Variants in MLLT10 observed in about 807,000 individuals in gnomAD.
MLLT10 encodes MLLT10 histone lysine methyltransferase DOT1L cofactor.
Under a neutral mutation model 129.1 loss-of-function variants are expected in MLLT10, and 30 were observed. That is an observed-to-expected ratio of 0.23 (90% CI 0.17 to 0.32). The LOEUF (loss-of-function observed/expected upper bound fraction) is 0.32. Ranked by LOEUF, MLLT10 falls within the 10% of genes least tolerant of loss-of-function variation. MLLT10 has a pLI of 1.00. For missense variants in MLLT10, 1,119 were observed against 1,268.3 expected, an observed-to-expected ratio of 0.88 and a Z score of 1.79; for synonymous variants, 490 against 446.4, an observed-to-expected ratio of 1.10 and a Z score of -1.23.
rs11012735 is a variant in MLLT10 at position 21,559,382 on chromosome 10, T to C, written c.240+20470T>C. Among the ~76,000 whole-genome samples, 74 of 152,344 alleles carry C rather than the reference T, an allele frequency of 4.9e-4. No individual in the cohort carries two copies. In the East Asian group the frequency reaches 8.3e-3, roughly 17 times the overall value. On this transcript the variant is annotated intron_variant, in intron 3 of 22. Transcript: ENST00000307729. Reference sequence around the variant, plus strand: ...CATGAGCCACTGCGCTTGGCAAGAATGGACATCTTTATATATAGTTTTGAA... The same window carrying C: ...CATGAGCCACTGCGCTTGGCAAGAACGGACATCTTTATATATAGTTTTGAA...
chr10:21,668,855 G>A (rs1005395416), intron 9 of MLLT10: 9 of 1,109,022 alleles, frequency 8.1e-6, no homozygotes, highest in East Asian at 5.0e-5. Context: ...TGATACATGA[G>A]CAAAAATACA....
intron 9 of MLLT10, among the ~76,000 whole-genome samples, chr10:21,657,531 G>T (rs537476053): frequency 1.8e-4 from 27 of 151,568 alleles, no homozygotes; most frequent in African/African-American, 6.5e-4. Context: ...TTGACAAATT[G>T]AACCTCACAG....
chr10:21,724,102 C>G (rs1227923282), intron 14 of MLLT10, among the ~76,000 whole-genome samples: 1 of 152,100 alleles, frequency 6.6e-6, no homozygotes, highest in African/African-American at 2.4e-5. Context: ...TACCTTTTCC[C>G]GAGGGACAGT....
chr10:21,575,109 A>AT (rs1411956489), intron 3 of MLLT10, among the ~76,000 whole-genome samples: 1 of 151,648 alleles, frequency 6.6e-6, no homozygotes, highest in Non-Finnish European at 1.5e-5. Context: ...CATTTTTACT[A>AT]TTTCTTTTTT....
chr10:21,605,409 A>G (rs1383967846), intron 5 of MLLT10, among the ~76,000 whole-genome samples: 1 of 152,130 alleles, frequency 6.6e-6, no homozygotes, highest in East Asian at 1.9e-4. Flanking sequence ...ACTTTCTAGT[A>G]TGCCATTTTC....
chr10:21,634,241 A>T (rs2047256818), intron 8 of MLLT10, among the ~76,000 whole-genome samples: 1 of 152,126 alleles, frequency 6.6e-6, no homozygotes, highest in South Asian at 2.1e-4. Flanking sequence ...AAAAAATAAA[A>T]CAGTTACCAG....
intron 3 of MLLT10, among the ~76,000 whole-genome samples, chr10:21,546,062 A>C (rs918631684): frequency 1.3e-5 from 2 of 152,200 alleles, no homozygotes; most frequent in African/African-American, 4.8e-5. Context: ...GAGATACAGA[A>C]GAATTTTTAA....
chr10:21,580,173 C>T (rs531756217), intron 3 of MLLT10, among the ~76,000 whole-genome samples: 2 of 151,804 alleles, frequency 1.3e-5, no homozygotes, highest in South Asian at 4.2e-4. Flanking sequence ...CTGGTGCTGC[C>T]ACGCTCGGCT....
intron 9 of MLLT10, among the ~76,000 whole-genome samples, chr10:21,667,072 TAGAA>T (rs1589528831): frequency 6.6e-6 from 1 of 152,206 alleles, no homozygotes; most frequent in Non-Finnish European, 1.5e-5. Context: ...GTATTTGTTT[TAGAA>T]AGATATTTTA....
intron 14 of MLLT10, among the ~76,000 whole-genome samples, chr10:21,723,088 T>A (rs2057245637): frequency 6.6e-6 from 1 of 152,216 alleles, no homozygotes; most frequent in African/African-American, 2.4e-5. Flanking sequence ...ATACTTTCAT[T>A]TATTGTATCA....
intron 21 of MLLT10, chr10:21,738,310 G>GT (rs2058547520): frequency 2.1e-6 from 2 of 934,478 alleles, no homozygotes; most frequent in Non-Finnish European, 2.9e-6. Context: ...ATGGGATCTT[G>GT]TTTTTTCTTA....
intron 13 of MLLT10, among the ~76,000 whole-genome samples, chr10:21,702,553 A>G (rs1564677234): frequency 6.6e-6 from 1 of 152,014 alleles, no homozygotes; most frequent in Non-Finnish European, 1.5e-5. Context: ...ATTGTATTGG[A>G]GTTTATCCCT....
chr10:21,537,904 A>G (rs1375513375), intron 2 of MLLT10, among the ~76,000 whole-genome samples: 1 of 152,254 alleles, frequency 6.6e-6, no homozygotes, highest in Non-Finnish European at 1.5e-5. Flanking sequence ...GCTAATTATT[A>G]ACTTTAAAAA....
At chr10:21,550,063 C>T (rs1412820678) in intron 3 of MLLT10, among the ~76,000 whole-genome samples, 1 of 152,096 alleles carries the variant, frequency 6.6e-6, no homozygotes, top group African/African-American at 2.4e-5. Flanking sequence ...CATTGATAAA[C>T]TGGTTAAAGT....
At chr10:21,646,663 G>T (rs757640529) in intron 8 of MLLT10, among the ~76,000 whole-genome samples, 1 of 151,920 alleles carries the variant, frequency 6.6e-6, no homozygotes, top group Admixed American at 6.6e-5. Context: ...ATTTTGTATT[G>T]CTAATTATAC....
chr10:21,567,316 G>C (rs527484248), intron 3 of MLLT10, among the ~76,000 whole-genome samples: 4 of 152,276 alleles, frequency 2.6e-5, no homozygotes, highest in Admixed American at 2.0e-4. Flanking sequence ...GTTGACATTT[G>C]AGGCAAACTT....
intron 3 of MLLT10, among the ~76,000 whole-genome samples, chr10:21,581,212 A>T (rs1446651706): frequency 2.0e-5 from 3 of 148,416 alleles, no homozygotes; most frequent in Admixed American, 6.7e-5. Flanking sequence ...CACCTGGCTT[A>T]TTTTTTTTGT....
At chr10:21,715,381 T>A (rs560144779) in intron 14 of MLLT10, among the ~76,000 whole-genome samples, 64 of 152,352 alleles carry the variant, frequency 4.2e-4, no homozygotes, top group African/African-American at 1.5e-3. Context: ...GGAGTTTGAC[T>A]ACTTTAGCAG....
chr10:21,582,083 T>C (rs117147920), intron 3 of MLLT10, among the ~76,000 whole-genome samples: 2,915 of 152,234 alleles, frequency 0.019, 54 homozygotes, highest in Admixed American at 0.054. Flanking sequence ...ACCACATTCA[T>C]ATAGCTTTTC....
Sources: gnomAD v4.1 joint callset for allele counts (sites outside exome capture counted in the v4.1 genomes callset) on GRCh38, gnomAD v4.1.1 for gene constraint, MANE v1.5 for transcripts, NCBI Gene and HGNC (gene_info 2026-07-23, HGNC 2026-07-21) for gene names.